NUP153: variants seen among roughly 807,000 people sequenced by gnomAD.
The protein encoded by NUP153 is nucleoporin 153.
In NUP153, 27 loss-of-function variants were observed where a neutral mutation model predicts 134.6. The ratio of observed to expected loss-of-function variants is 0.20; its 90% CI spans 0.15 to 0.28. The LOEUF is 0.28. Among genes scored for constraint, NUP153 ranks in the 10% least tolerant of loss-of-function variants. The pLI, the probability that NUP153 is intolerant of heterozygous loss-of-function variation, is 1.00. For synonymous variants in NUP153, 640 were observed against 623.5 expected (o/e 1.03, Z -0.40); for missense variants, 1,821 against 1,731.3 (o/e 1.05, Z -0.92).
chr6:17,624,582 A>G lies in NUP153; in HGVS notation c.4153T>C (p.Ser1385Pro). The G allele has an allele frequency of 6.2e-7, 1 of 1,614,152 alleles. No individual in the cohort carries two copies. Among genetic ancestry groups the G allele is most frequent in the South Asian group, 1.1e-5 (1 of 91,074 alleles). ...TTACTAGAATTAGGAGTTGTTCCAG[A>G]GCCAAATGCAGACTGACTAGGTTGC... ...GQQPSQSAFG[S>P]GTTPNSSSAF... The change falls in exon 20 of 22, where the codon TCT becomes CCT. Residue 1385 changes from serine (S) to proline (P), a missense_variant. By Grantham distance (74) the Ser-to-Pro change is moderately conservative. Transcript: ENST00000262077.
Position 17,615,197 on chromosome 6 carries a change from C to G in NUP153, c.*900G>C, listed in dbSNP as rs1291844706. On this transcript the variant is annotated 3_prime_UTR_variant, in exon 22 of 22. Transcript: ENST00000262077. The surrounding 1 kb of genome is among the most constrained non-coding windows in gnomAD (Gnocchi z 5.7). ...TATATGCTTAATACTTTGTACAATA[C>G]TGGTTTTTGGTCCAAACAAAACTGG... 1 of 152,562 alleles carries G rather than the reference C, an allele frequency of 6.6e-6. No individual in the cohort carries two copies. The highest frequency in any genetic ancestry group is 6.5e-5 in the Admixed American group (1 of 15,274). 9.5% of individuals were successfully genotyped at this position (152,562 alleles called of 1,614,324 possible). A position where few individuals can be genotyped will look rare whatever the true frequency, so the allele number is the denominator to read the frequency against.
rs773777225 is a variant in NUP153 at position 17,616,656 on chromosome 6, T to C, written c.4214A>G (p.Asn1405Ser). 49 of 1,613,806 alleles carry C rather than the reference T, an allele frequency of 3.0e-5. No individual in the cohort carries two copies. Among genetic ancestry groups the C allele is most frequent in the Admixed American group, 1.0e-4 (6 of 59,992 alleles). Residue 1405 changes from asparagine (N) to serine (S), a missense_variant, in exon 21 of 22, where the codon AAC (asparagine) becomes AGC (serine). Coordinates refer to ENST00000262077, the MANE Select transcript of NUP153 (RefSeq NM_005124.4). ...TCCTGATGGACTGTTGTTTGTGAAG[T>C]TGAAATTTGTAGTGCTGCTGCCAAA... ...FQFGSSTTNF[N>S]FTNNSPSGVF... is the part of the protein sequence containing the mutation.
In NUP153 at chr6:17,674,543, C is replaced by T. The variant is rs1023272150; in HGVS notation, c.852+362G>A. On this transcript the variant is annotated intron_variant, in intron 5 of 21. Coordinates refer to ENST00000262077, the MANE Select transcript of NUP153 (RefSeq NM_005124.4). ...TAACACTTTGGGAGGCCGGGGTGGG[C>T]GCATCACGAGGTCAAGAGATCATCA... 2.0e-5 allele frequency among the ~76,000 whole-genome samples: 3 copies of T among 152,006 alleles called. No individual in the cohort carries two copies. In the South Asian group the frequency reaches 6.2e-4, roughly 32 times the overall value.
chr6:17,673,060 A>C (rs1434491377), intron 5 of NUP153, among the ~76,000 whole-genome samples: 1 of 152,052 alleles, frequency 6.6e-6, no homozygotes, highest in Non-Finnish European at 1.5e-5. Context: ...CACACACACA[A>C]AAGATGTCAT....
At chr6:17,671,175 G>A (rs1398577768) in intron 5 of NUP153, among the ~76,000 whole-genome samples, 1 of 152,098 alleles carries the variant, frequency 6.6e-6, no homozygotes, top group East Asian at 1.9e-4. Context: ...TCATGATGCA[G>A]TTTCCTTTTT....
intron 1 of NUP153, among the ~76,000 whole-genome samples, chr6:17,696,639 C>T (rs1044937087): frequency 6.6e-6 from 1 of 152,072 alleles, no homozygotes; most frequent in African/African-American, 2.4e-5. Flanking sequence ...CCTGTAGTCC[C>T]AGCTCCTCGG....
At chr6:17,661,189 C>T (rs1466477173) in intron 11 of NUP153, among the ~76,000 whole-genome samples, 1 of 152,066 alleles carries the variant, frequency 6.6e-6, no homozygotes, top group Admixed American at 6.6e-5. Context: ...TGGCAAATGC[C>T]TATAGTCCCA....
chr6:17,628,892 T>C lies in NUP153; in HGVS notation c.3307A>G (p.Thr1103Ala). Residue 1103 changes from threonine to alanine, a missense_variant, in exon 18 of 22, where the codon ACA (threonine) becomes GCA (alanine). Transcript: ENST00000262077. This position sits in a 1 kb window ranked among gnomAD's most constrained non-coding sequence, Gnocchi z 5.4. ...ACAGGCTCTTGCTGTTTCTCTTCTG[T>C]CCTTCCCAAAACAAACACTGAGGCA... Reference protein sequence around the residue: ...PSASVFVLGRTEEKQQEPVTS... With the variant: ...PSASVFVLGRAEEKQQEPVTS... The C allele has an allele frequency of 6.2e-6, 10 of 1,614,218 alleles. No homozygotes were observed. The highest frequency in any genetic ancestry group is 8.5e-6 in the Non-Finnish European group (10 of 1,180,026).
At chr6:17,672,072 T>C (rs1033292235) in intron 5 of NUP153, among the ~76,000 whole-genome samples, 2 of 152,070 alleles carry the variant, frequency 1.3e-5, no homozygotes, top group African/African-American at 4.8e-5. Context: ...AATTTTAGAT[T>C]TTTATAGAAA....
At position 17,628,782 on chromosome 6, in the gene NUP153, C is replaced by T; in HGVS notation, c.3417G>A (p.Glu1139=). 5 of 1,614,076 alleles carry T rather than the reference C, an allele frequency of 3.1e-6. No homozygotes were observed. Among genetic ancestry groups the T allele is most frequent in the Non-Finnish European group, 2.5e-6 (3 of 1,180,004 alleles). Residue 1139 remains glutamate, a synonymous_variant, in exon 18 of 22, where the codon GAG becomes GAA. Coordinates refer to ENST00000262077, the MANE Select transcript of NUP153 (RefSeq NM_005124.4). This position sits in a 1 kb window ranked among gnomAD's most constrained non-coding sequence, Gnocchi z 5.4. The part of the protein sequence containing the change: ...CQPVFSFGNS[E]QTKDENSSKS... Reference sequence around the variant, plus strand: ...TTGAAGAATTCTCATCTTTGGTTTGCTCTGAATTCCCAAAGGAAAACACTG... The same window carrying T: ...TTGAAGAATTCTCATCTTTGGTTTGTTCTGAATTCCCAAAGGAAAACACTG...
chr6:17,672,664 A>G (rs1264687504), intron 5 of NUP153, among the ~76,000 whole-genome samples: 4 of 152,074 alleles, frequency 2.6e-5, no homozygotes, highest in Non-Finnish European at 5.9e-5. Context: ...ACAATTGCAC[A>G]CCCATATGTT....
chr6:17,655,458 CTTT>C (rs112496979), intron 11 of NUP153, among the ~76,000 whole-genome samples: 1 of 147,162 alleles, frequency 6.8e-6, no homozygotes, highest in Non-Finnish European at 1.5e-5. Context: ...CTTATTATTA[CTTT>C]TTTTTTTTTT....
intron 14 of NUP153, among the ~76,000 whole-genome samples, chr6:17,640,289 C>T (rs1034566002): frequency 6.6e-6 from 1 of 151,810 alleles, no homozygotes; most frequent in African/African-American, 2.4e-5. Context: ...AATAAAAAGG[C>T]AAAAAAATAT....
In NUP153 at chr6:17,679,177, T is replaced by TA. The variant is rs1768418796; in HGVS notation, c.335-3408dup. ...CAGTGAAGATTCAGCCAAAAGCTGT[T>TA]AGAGCAAATTTAGCCAAGTACCAGG... On this transcript the variant is annotated intron_variant, in intron 2 of 21. Coordinates refer to ENST00000262077, the MANE Select transcript of NUP153 (RefSeq NM_005124.4). Among the ~76,000 whole-genome samples, 4 of 152,236 alleles carry TA rather than the reference T, an allele frequency of 2.6e-5. No individual in the cohort carries two copies. In the South Asian group the frequency reaches 8.3e-4, roughly 32 times the overall value.
At chr6:17,662,918 A>G (rs1273302911) in intron 9 of NUP153, among the ~76,000 whole-genome samples, 4 of 152,240 alleles carry the variant, frequency 2.6e-5, no homozygotes, top group Admixed American at 1.3e-4. Context: ...GTGAAACACA[A>G]AACAACAAGA....
chr6:17,678,433 C>T (rs1768366603), intron 2 of NUP153, among the ~76,000 whole-genome samples: 1 of 150,200 alleles, frequency 6.7e-6, no homozygotes, highest in South Asian at 2.1e-4. Flanking sequence ...TTTCTAAACT[C>T]CAAATAGAAA....
chr6:17,690,109 T>C (rs1453214432), intron 1 of NUP153, among the ~76,000 whole-genome samples: 3 of 151,806 alleles, frequency 2.0e-5, no homozygotes, highest in African/African-American at 4.8e-5. Context: ...TCTCAGCACT[T>C]TGGGAGGCTG....
chr6:17,629,152 T>C lies in NUP153; in HGVS notation c.3047A>G (p.Lys1016Arg), dbSNP rs770786281. 4 of 1,613,208 alleles carry C rather than the reference T, an allele frequency of 2.5e-6. No homozygotes were observed. The highest frequency in any genetic ancestry group is 2.2e-5 in the South Asian group (2 of 90,800). The change falls in exon 18 of 22, where the codon AAA becomes AGA. Residue 1016 changes from lysine to arginine, a missense_variant. Coordinates refer to ENST00000262077, the MANE Select transcript of NUP153 (RefSeq NM_005124.4). Reference sequence around the variant, plus strand: ...AAAGCTAAAACCTGCAGAGGAAGATTTGGGCAGTTCCTCTTTCTTTTCTTC... The same window carrying C: ...AAAGCTAAAACCTGCAGAGGAAGATCTGGGCAGTTCCTCTTTCTTTTCTTC... ...GQEEKKEELPKSSSAGFSFGT... is the reference protein window; with the variant it reads ...GQEEKKEELPRSSSAGFSFGT...
intron 5 of NUP153, among the ~76,000 whole-genome samples, chr6:17,670,959 T>C (rs1052111933): frequency 2.6e-5 from 4 of 151,934 alleles, no homozygotes; most frequent in African/African-American, 7.2e-5. Flanking sequence ...TACAGGCACG[T>C]CCAACTGCAA....
Sources: gnomAD v4.1 joint callset for allele counts (sites outside exome capture counted in the v4.1 genomes callset) on GRCh38, gnomAD v4.1.1 for gene constraint, Gnocchi (gnomAD v3.1) non-coding constraint, MANE v1.5 for transcripts, NCBI Gene and HGNC (gene_info 2026-07-23, HGNC 2026-07-21) for gene names.